Variants in OSBPL10 observed in about 807,000 individuals in gnomAD.
The protein encoded by OSBPL10 is oxysterol binding protein like 10.
Under a neutral mutation model 81.7 loss-of-function variants are expected in OSBPL10, and 49 were observed. The observed-to-expected ratio is 0.60, with a 90% confidence interval of 0.48 to 0.76. The LOEUF is 0.76. Ranked by LOEUF, OSBPL10 falls within the 30% of genes least tolerant of loss-of-function variation. OSBPL10 has a pLI of 0.00. For synonymous variants in OSBPL10, 419 were observed against 383.6 expected (o/e 1.09, Z -1.08); for missense variants, 923 against 987.8 (o/e 0.93, Z 0.88).
intron 6 of OSBPL10, among the ~76,000 whole-genome samples, chr3:31,725,789 G>A (rs542556216): frequency 2.6e-5 from 4 of 152,320 alleles, no homozygotes; most frequent in East Asian, 3.9e-4. Flanking sequence ...AGATGAGAAC[G>A]AGAAGGAAGC....
intron 3 of OSBPL10, among the ~76,000 whole-genome samples, chr3:31,870,627 T>C (rs891425801): frequency 6.6e-6 from 1 of 152,220 alleles, no homozygotes; most frequent in South Asian, 2.1e-4. Context: ...GCAGGGATTG[T>C]AAATACACCA....
At chr3:31,834,591 T>G (rs1391169847) in intron 3 of OSBPL10, among the ~76,000 whole-genome samples, 2 of 152,182 alleles carry the variant, frequency 1.3e-5, no homozygotes, top group African/African-American at 4.8e-5. Flanking sequence ...TTCCCAAGGT[T>G]GCAAAGAGAA....
chr3:31,840,469 TG>T (rs1317945846), intron 3 of OSBPL10, among the ~76,000 whole-genome samples: 2 of 152,234 alleles, frequency 1.3e-5, no homozygotes, highest in African/African-American at 4.8e-5. Context: ...ATCATCAACA[TG>T]CCCAAGCGGC....
At chr3:31,867,096 C>T (rs75847179) in intron 3 of OSBPL10, among the ~76,000 whole-genome samples, 6,695 of 152,228 alleles carry the variant, frequency 0.044, 444 homozygotes, top group African/African-American at 0.15. Flanking sequence ...ACCACAGTGT[C>T]TTCACACTCT....
intron 4 of OSBPL10, among the ~76,000 whole-genome samples, chr3:31,786,687 G>C (rs890518491): frequency 6.6e-6 from 1 of 152,202 alleles, no homozygotes; most frequent in African/African-American, 2.4e-5. Context: ...ATGAATTGTG[G>C]TGGGGACACA....
rs530545541 is a variant in OSBPL10 at position 32,020,588 on chromosome 3, A to C, written n.298+25903T>G. Among the ~76,000 whole-genome samples the C allele has an allele frequency of 7.2e-5, 11 of 152,300 alleles. No individual in the cohort carries two copies. The East Asian group carries it at 1.9e-3, about 27-fold the overall frequency. ...TTTCCAGTTTTCAAATAATGCTGCT[A>C]TGAGTAATTGCGTACAAGTCTTTGT... On this transcript the variant is annotated intron_variant and non_coding_transcript_variant, in intron 2 of 3. Coordinates refer to the OSBPL10 transcript ENST00000479173.
chr3:31,834,263 G>GT (rs34020744), intron 3 of OSBPL10, among the ~76,000 whole-genome samples: 1 of 152,194 alleles, frequency 6.6e-6, no homozygotes, highest in Non-Finnish European at 1.5e-5. Flanking sequence ...AACATGGCAG[G>GT]TTTTTGTTCC....
intron 7 of OSBPL10, among the ~76,000 whole-genome samples, chr3:31,693,698 G>A (rs975762666): frequency 6.6e-6 from 1 of 152,226 alleles, no homozygotes; most frequent in Non-Finnish European, 1.5e-5. Flanking sequence ...AAATGGCAGA[G>A]CTGAATGGTT....
chr3:32,034,518 T>C (rs1699500947), intron 2 of OSBPL10, among the ~76,000 whole-genome samples: 1 of 151,046 alleles, frequency 6.6e-6, no homozygotes, highest in Admixed American at 6.6e-5. Context: ...CCTAGAAAAG[T>C]TGTCAATAAT....
At chr3:31,989,252 G>C in intron 2 of OSBPL10, 2 of 1,614,178 alleles carry the variant, frequency 1.2e-6, no homozygotes, top group Non-Finnish European at 1.7e-6. Context: ...GAGAACTACA[G>C]GAACCTGCAT....
Position 31,879,679 on chromosome 3 carries a change from TAGC to T in OSBPL10, c.430_432del (p.Ala144del). ...CCTCTCAGTTTAAACATCTCTCCAT[TAGC>T]AGAGTACACCACCAGCATGTGGGGA... On this transcript the variant is annotated inframe_deletion, in exon 2 of 12. Transcript: ENST00000396556. The T allele has an allele frequency of 6.2e-7, 1 of 1,613,806 alleles. No individual in the cohort carries two copies. The highest frequency in any genetic ancestry group is 8.5e-7 in the Non-Finnish European group (1 of 1,179,928).
chr3:32,049,932 C>T (rs1035160626), intron 1 of OSBPL10, among the ~76,000 whole-genome samples: 1 of 152,178 alleles, frequency 6.6e-6, no homozygotes, highest in African/African-American at 2.4e-5. Flanking sequence ...TTTCTCCCTT[C>T]CCTTTCCTCT....
intron 1 of OSBPL10, among the ~76,000 whole-genome samples, chr3:32,071,780 C>A (rs1162280754): frequency 1.3e-5 from 2 of 152,252 alleles, no homozygotes; most frequent in Non-Finnish European, 2.9e-5. Context: ...CCACAGTTAC[C>A]ATTGTTCCTG....
intron 2 of OSBPL10, among the ~76,000 whole-genome samples, chr3:32,044,656 G>A (rs533836894): frequency 7.4e-5 from 11 of 149,130 alleles, no homozygotes; most frequent in African/African-American, 2.7e-4. Flanking sequence ...CAGGAGAATG[G>A]CTTGAACCCG....
intron 3 of OSBPL10, among the ~76,000 whole-genome samples, chr3:31,871,281 A>G (rs967334102): frequency 2.0e-5 from 3 of 152,082 alleles, no homozygotes; most frequent in Non-Finnish European, 2.9e-5. Flanking sequence ...GCCCACCGGG[A>G]GGAAGGAACA....
chr3:32,058,318 T>C (rs1188216661), intron 1 of OSBPL10, among the ~76,000 whole-genome samples: 1 of 152,168 alleles, frequency 6.6e-6, no homozygotes. Flanking sequence ...TGTACTATTC[T>C]TTGAACTATT....
Position 31,723,885 on chromosome 3 carries a change from T to C in OSBPL10, c.1095+9372A>G, listed in dbSNP as rs1427608946. On this transcript the variant is annotated intron_variant, in intron 6 of 11. Coordinates refer to ENST00000396556, the MANE Select transcript of OSBPL10 (RefSeq NM_017784.5). ...AAATAAATCACTTTTAGAATAGTCA[T>C]TCATCGTGGGAAAATAAAAATATAA... Among the ~76,000 whole-genome samples the C allele has an allele frequency of 2.0e-5, 3 of 152,164 alleles. 1 individual carries two copies. Among genetic ancestry groups the C allele is most frequent in the Non-Finnish European group, 4.4e-5 (3 of 68,036 alleles).
intron 2 of OSBPL10, among the ~76,000 whole-genome samples, chr3:32,018,302 T>C (rs944888419): frequency 2.6e-5 from 4 of 152,148 alleles, no homozygotes; most frequent in African/African-American, 7.2e-5. Context: ...GAAGGATTGG[T>C]GCAATGATAG....
intron 7 of OSBPL10, among the ~76,000 whole-genome samples, chr3:31,693,372 T>C (rs967933874): frequency 1.4e-4 from 21 of 152,226 alleles, no homozygotes; most frequent in African/African-American, 5.1e-4. Flanking sequence ...CCTAAGAAGA[T>C]GTTCACTATA....
Sources: gnomAD v4.1 joint callset for allele counts (sites outside exome capture counted in the v4.1 genomes callset) on GRCh38, gnomAD v4.1.1 for gene constraint, MANE v1.5 for transcripts, NCBI Gene and HGNC (gene_info 2026-07-23, HGNC 2026-07-21) for gene names.